PRKAR1B: variants seen among roughly 807,000 people sequenced by gnomAD.
The protein encoded by PRKAR1B is cAMP-dependent protein kinase type I-beta regulatory subunit.
PRKAR1B carries 22 observed loss-of-function variants against 46.5 expected under a neutral mutation model. The observed-to-expected ratio is 0.47, with a 90% CI of 0.34 to 0.68. The LOEUF (loss-of-function observed/expected upper bound fraction) is 0.68, where lower values mean the gene tolerates loss of function less well. PRKAR1B is among the 30% of genes least tolerant of loss of function. The pLI is 0.01. For missense variants in PRKAR1B, 445 were observed against 535.6 expected, an observed-to-expected ratio of 0.83 and a Z score of 1.67; for synonymous variants, 259 against 217.7, an observed-to-expected ratio of 1.19 and a Z score of -1.67.
intron 6 of PRKAR1B, among the ~76,000 whole-genome samples, chr7:604,549 T>C (rs1219623088): frequency 2.6e-5 from 4 of 152,178 alleles, no homozygotes; most frequent in Non-Finnish European, 5.9e-5. Context: ...TTTCTCCGCC[T>C]GCGCGGGCCA....
chr7:727,531 C>G (rs1218471439), upstream of PRKAR1B: 1 of 301,700 alleles, frequency 3.3e-6, no homozygotes, highest in Admixed American at 5.4e-5. Context: ...CTTCCCCTGC[C>G]TCACGTCCCG....
At chr7:594,025 GT>G (rs1234767960) in intron 7 of PRKAR1B, among the ~76,000 whole-genome samples, 3 of 152,072 alleles carry the variant, frequency 2.0e-5, no homozygotes, top group African/African-American at 7.2e-5. Flanking sequence ...TCAAATCCTT[GT>G]TCCCCAATCA....
At chr7:671,888 C>T (rs908324405) in intron 4 of PRKAR1B, among the ~76,000 whole-genome samples, 2 of 152,204 alleles carry the variant, frequency 1.3e-5, no homozygotes, top group African/African-American at 4.8e-5. Flanking sequence ...CCTGGAACAG[C>T]CGTGCTGGCT....
At chr7:628,965 G>A (rs1263791804) in intron 4 of PRKAR1B, among the ~76,000 whole-genome samples, 1 of 152,186 alleles carries the variant, frequency 6.6e-6, no homozygotes, top group East Asian at 1.9e-4. Flanking sequence ...TGACGCCAAG[G>A]TGCTTGCAAC....
At chr7:676,020 G>T (rs879609078) in intron 4 of PRKAR1B, among the ~76,000 whole-genome samples, 2 of 146,892 alleles carry the variant, frequency 1.4e-5, no homozygotes, top group East Asian at 3.9e-4. Flanking sequence ...CATAGAAATT[G>T]ACAGCACAAG....
intron 7 of PRKAR1B, among the ~76,000 whole-genome samples, chr7:595,716 A>G (rs1030992227): frequency 3.9e-5 from 6 of 152,176 alleles, no homozygotes; most frequent in African/African-American, 9.7e-5. Flanking sequence ...CTGGCCACAT[A>G]TAAGAAAAAA....
At chr7:716,222 A>ATTT (rs778689872) in intron 1 of PRKAR1B, among the ~76,000 whole-genome samples, 5 of 122,220 alleles carry the variant, frequency 4.1e-5, no homozygotes, top group African/African-American at 9.5e-5. Context: ...ACTTAAAAAC[A>ATTT]TTTTTTTTTT....
At chr7:650,006 T>C (rs1784818662) in intron 4 of PRKAR1B, among the ~76,000 whole-genome samples, 1 of 149,464 alleles carries the variant, frequency 6.7e-6, no homozygotes, top group Non-Finnish European at 1.5e-5. Context: ...TTGTAGAGAT[T>C]AGGGTCTTGC....
At chr7:632,141 A>G (rs1783787054) in intron 4 of PRKAR1B, among the ~76,000 whole-genome samples, 2 of 152,192 alleles carry the variant, frequency 1.3e-5, no homozygotes, top group African/African-American at 4.8e-5. Flanking sequence ...TGGGGGGAGC[A>G]GGTGCTGGCC....
chr7:617,597 C>T lies in PRKAR1B; in HGVS notation c.441-10145G>A, dbSNP rs80326641. The stretch of plus-strand genomic sequence containing the variant: ...GGCCAGCTGGTCAAGTCCCACCCAG[C>T]CCTGTAGGTTAAGAACAGTCACACT... On this transcript the variant is annotated intron_variant, in intron 4 of 10. Transcript: ENST00000537384. Among the ~76,000 whole-genome samples, 206 of 152,330 alleles carry T rather than the reference C, an allele frequency of 1.4e-3. 2 individuals are homozygous for T. The East Asian group carries it at 0.038, about 28-fold the overall frequency.
chr7:672,264 C>A (rs6463869), intron 4 of PRKAR1B, among the ~76,000 whole-genome samples: 3,538 of 152,172 alleles, frequency 0.023, 135 homozygotes, highest in African/African-American at 0.08. Context: ...AATTCTCCCG[C>A]CTCAGTCTCC....
At chr7:675,801 C>T (rs1023541738) in intron 4 of PRKAR1B, among the ~76,000 whole-genome samples, 2 of 152,098 alleles carry the variant, frequency 1.3e-5, no homozygotes, top group Admixed American at 6.6e-5. Flanking sequence ...CAAAAATTAG[C>T]CGGGCGTGGT....
chr7:693,094 C>T (rs1443431449), intron 2 of PRKAR1B, among the ~76,000 whole-genome samples: 1 of 151,942 alleles, frequency 6.6e-6, no homozygotes, highest in Non-Finnish European at 1.5e-5. Flanking sequence ...ACCACCACAC[C>T]CAGCTAATTT....
At chr7:643,652 G>A (rs1784494708) in intron 4 of PRKAR1B, among the ~76,000 whole-genome samples, 4 of 147,458 alleles carry the variant, frequency 2.7e-5, no homozygotes, top group African/African-American at 1.1e-4. Flanking sequence ...AACTGGGGAG[G>A]TGGAGGTTGC....
At chr7:614,863 G>C (rs1782714648) in intron 4 of PRKAR1B, among the ~76,000 whole-genome samples, 1 of 151,804 alleles carries the variant, frequency 6.6e-6, no homozygotes, top group Admixed American at 6.6e-5. Context: ...CATGAGCTGA[G>C]ATCGCACCAC....
chr7:665,774 G>A (rs1319839772), intron 4 of PRKAR1B, among the ~76,000 whole-genome samples: 1 of 152,248 alleles, frequency 6.6e-6, no homozygotes, highest in African/African-American at 2.4e-5. Flanking sequence ...CCAGGAGACA[G>A]CTCCCTTCAG....
At position 612,177 on chromosome 7, in the gene PRKAR1B, T is replaced by C. The variant is rs568388679; in HGVS notation, c.441-4725A>G. On this transcript the variant is annotated intron_variant, in intron 4 of 10. Transcript: ENST00000537384. ...GATGATGGATGGATGGACAGGTGGGTGGATGTACAGGTGGGTGAGTAGATC... is the reference window on the plus strand; with the variant it reads ...GATGATGGATGGATGGACAGGTGGGCGGATGTACAGGTGGGTGAGTAGATC... Among the ~76,000 whole-genome samples the C allele has an allele frequency of 5.7e-5, 8 of 139,890 alleles. No individual in the cohort carries two copies. In the East Asian group the frequency reaches 1.8e-3, roughly 31 times the overall value. 91.8% of individuals were successfully genotyped at this position (139,890 alleles called of 152,430 possible).
rs137883839 is a variant in PRKAR1B at position 725,481 on chromosome 7, C to G, written c.-23+1729G>C. 1.3e-3 allele frequency among the ~76,000 whole-genome samples: 195 copies of G among 152,350 alleles called. 1 individual carries two copies. Among genetic ancestry groups the G allele is most frequent in the African/African-American group, 4.5e-3 (186 of 41,582 alleles). On this transcript the variant is annotated intron_variant, in intron 1 of 10. Coordinates refer to ENST00000537384, the MANE Select transcript of PRKAR1B (RefSeq NM_001164760.2). The stretch of plus-strand genomic sequence containing the variant: ...CTGTTTAGGCGCCTCTGTCTCCACT[C>G]AAGTCCACAGTCAAGGTCACTACTG...
intron 4 of PRKAR1B, among the ~76,000 whole-genome samples, chr7:634,812 G>A (rs1783954384): frequency 6.6e-6 from 1 of 151,828 alleles, no homozygotes. Context: ...GCTAATTTTT[G>A]TGTTTTTAGT....
Sources: gnomAD v4.1 joint callset for allele counts (sites outside exome capture counted in the v4.1 genomes callset) on GRCh38, gnomAD v4.1.1 for gene constraint, MANE v1.5 for transcripts, NCBI Gene and HGNC (gene_info 2026-07-23, HGNC 2026-07-21) for gene names.